ASAP2: variants seen among roughly 807,000 people sequenced by gnomAD.
ASAP2 encodes arf-GAP with SH3 domain, ANK repeat and PH domain-containing protein 2.
A neutral mutation model predicts 131.4 loss-of-function variants in ASAP2; 45 were observed. The ratio of observed to expected loss-of-function variants is 0.34; its 90% CI spans 0.27 to 0.44. The LOEUF (loss-of-function observed/expected upper bound fraction) is 0.44. Among genes scored for constraint, ASAP2 ranks in the 20% least tolerant of loss-of-function variants. The pLI is 1.00. For synonymous variants in ASAP2, 510 were observed against 503.0 expected (o/e 1.01, Z -0.19); for missense variants, 1,011 against 1,297.0 (o/e 0.78, Z 3.39).
At chr2:9,292,215 G>A (rs1193160541) in intron 2 of ASAP2, among the ~76,000 whole-genome samples, 1 of 152,146 alleles carries the variant, frequency 6.6e-6, no homozygotes, top group Non-Finnish European at 1.5e-5. Flanking sequence ...GATTTTGAGA[G>A]TTGAGAGCTG....
chr2:9,237,759 T>C (rs1344660578), intron 1 of ASAP2, among the ~76,000 whole-genome samples: 1 of 152,112 alleles, frequency 6.6e-6, no homozygotes, highest in African/African-American at 2.4e-5. Flanking sequence ...ACCAGGAGAC[T>C]GAGTCTTTTC....
At chr2:9,328,269 G>T in intron 7 of ASAP2, among the ~76,000 whole-genome samples, 1 of 152,180 alleles carries the variant, frequency 6.6e-6, no homozygotes, top group Admixed American at 6.5e-5. Context: ...CCAGAAGTGA[G>T]TGCTAATGAT....
At chr2:9,343,299 C>G (rs1340962072) in intron 9 of ASAP2, among the ~76,000 whole-genome samples, 1 of 152,198 alleles carries the variant, frequency 6.6e-6, no homozygotes, top group East Asian at 1.9e-4. Flanking sequence ...ACGAGCAGCC[C>G]TCGGCCCTTT....
chr2:9,231,289 A>G (rs1298796814), intron 1 of ASAP2, among the ~76,000 whole-genome samples: 2 of 152,122 alleles, frequency 1.3e-5, no homozygotes, highest in Non-Finnish European at 2.9e-5. Flanking sequence ...CCAGGTTTTC[A>G]GGCTCTGCCC....
intron 1 of ASAP2, among the ~76,000 whole-genome samples, chr2:9,253,265 G>A (rs557301799): frequency 1.2e-3 from 185 of 152,170 alleles, no homozygotes; most frequent in African/African-American, 3.9e-3. Context: ...CTGGGTTCAA[G>A]CGATTCTCGT....
At chr2:9,353,323 G>A (rs2148640050) in intron 12 of ASAP2, among the ~76,000 whole-genome samples, 1 of 152,288 alleles carries the variant, frequency 6.6e-6, no homozygotes, top group South Asian at 2.1e-4. Flanking sequence ...CAAGCACTTT[G>A]GGAGGCCAAG....
rs1272438351 is a variant in ASAP2 at position 9,311,258 on chromosome 2, C to G, written c.346-7266C>G. ...AATAAAAATAAAAAAATTAGCCAGG[C>G]ATGGTGGCTCATGCCTGTGGTCCCA... On this transcript the variant is annotated intron_variant, in intron 3 of 27. Transcript: ENST00000281419. This position sits in a 1 kb window ranked among gnomAD's most constrained non-coding sequence, Gnocchi z 5.2. Among the ~76,000 whole-genome samples, 1 of 151,550 alleles carries G rather than the reference C, an allele frequency of 6.6e-6. No homozygotes were observed. Among genetic ancestry groups the G allele is most frequent in the Non-Finnish European group, 1.5e-5 (1 of 67,922 alleles).
intron 2 of ASAP2, among the ~76,000 whole-genome samples, chr2:9,282,925 C>T (rs1667224738): frequency 6.6e-6 from 1 of 152,202 alleles, no homozygotes; most frequent in Non-Finnish European, 1.5e-5. Flanking sequence ...ACTTCTGTGT[C>T]TTTGCACAGC....
chr2:9,403,207 C>T lies in ASAP2; in HGVS notation c.2947-46C>T, dbSNP rs1327347592. ...ATGTAATGCTCTTCAAAGTTTCCAC[C>T]AACATTTGGAATTTTAATAACAACC... On this transcript the variant is annotated intron_variant, in intron 27 of 27. Coordinates refer to ENST00000281419, the MANE Select transcript of ASAP2 (RefSeq NM_003887.3). 6 of 1,572,990 alleles carry T rather than the reference C, an allele frequency of 3.8e-6. No homozygotes were observed. The African/African-American group carries it at 8.1e-5, about 21-fold the overall frequency.
intron 2 of ASAP2, among the ~76,000 whole-genome samples, chr2:9,296,343 C>T (rs866163253): frequency 6.6e-6 from 1 of 152,198 alleles, no homozygotes; most frequent in Non-Finnish European, 1.5e-5. Context: ...CATTCCTACC[C>T]ACGGTTTAAA....
chr2:9,396,176 C>T (rs1180218872), intron 24 of ASAP2, among the ~76,000 whole-genome samples: 1 of 152,104 alleles, frequency 6.6e-6, no homozygotes, highest in African/African-American at 2.4e-5. Context: ...TGCCTTTCTC[C>T]CCTTCCAGAG....
chr2:9,374,970 T>TA (rs61275202), intron 17 of ASAP2, 26 bp downstream of exon 17: 67,639 of 1,355,298 alleles, frequency 0.05, 4,489 homozygotes, highest in African/African-American at 0.43. Context: ...GTTGCTACTT[T>TA]AAAAAAAAAA....
intron 1 of ASAP2, chr2:9,271,528 CT>C: frequency 6.5e-7 from 1 of 1,533,214 alleles, no homozygotes. Context: ...CTGTTGAATT[CT>C]TATATGGATA....
At chr2:9,350,442 G>C (rs1672255205) in intron 11 of ASAP2, 1 of 175,456 alleles carries the variant, frequency 5.7e-6, no homozygotes, top group Admixed American at 6.2e-5. Context: ...AAGTTACCTG[G>C]CAAATCAACT....
At chr2:9,334,627 C>T (rs1671076626) in intron 7 of ASAP2, 111 bp from the exon 8 acceptor site, 16 of 881,896 alleles carry the variant, frequency 1.8e-5, no homozygotes, top group Non-Finnish European at 2.6e-5. Context: ...AGTCTTTTCC[C>T]CCAGGAGTTA....
intron 1 of ASAP2, among the ~76,000 whole-genome samples, chr2:9,216,282 ATTTTTTT>A (rs113751391): frequency 0.085 from 10,536 of 123,708 alleles, 403 homozygotes; most frequent in African/African-American, 0.12. Flanking sequence ...GTCAGTTCAT[ATTTTTTT>A]TTTTTTTTTT....
intron 24 of ASAP2, among the ~76,000 whole-genome samples, chr2:9,397,758 T>A (rs1676280828): frequency 2.7e-5 from 3 of 110,186 alleles, no homozygotes; most frequent in South Asian, 3.0e-4. Context: ...ATATTTTTTT[T>A]TTTTTTTTTT....
In ASAP2 at chr2:9,281,808, C is replaced by T. The variant is rs1397408804; in HGVS notation, c.199+2419C>T. Among the ~76,000 whole-genome samples, 2 of 152,174 alleles carry T rather than the reference C, an allele frequency of 1.3e-5. No homozygotes were observed. The highest frequency in any genetic ancestry group is 2.9e-5 in the Non-Finnish European group (2 of 68,034). ...CCAATTCATCTGTCGATGAAACTGTCACTGCCTCCCCTGATCACCCCACTG... is the reference window on the plus strand; with the variant it reads ...CCAATTCATCTGTCGATGAAACTGTTACTGCCTCCCCTGATCACCCCACTG... On this transcript the variant is annotated intron_variant, in intron 2 of 27. Coordinates refer to ENST00000281419, the MANE Select transcript of ASAP2 (RefSeq NM_003887.3). The surrounding 1 kb of genome is among the most constrained non-coding windows in gnomAD (Gnocchi z 4.0).
chr2:9,305,334 T>G (rs113903318), intron 3 of ASAP2, among the ~76,000 whole-genome samples: 25 of 136,844 alleles, frequency 1.8e-4, no homozygotes, highest in East Asian at 6.8e-4. Context: ...GGAGGGGCTG[T>G]AGTAGTGGGG....
Sources: gnomAD v4.1 joint callset for allele counts (sites outside exome capture counted in the v4.1 genomes callset) on GRCh38, gnomAD v4.1.1 for gene constraint, Gnocchi (gnomAD v3.1) non-coding constraint, MANE v1.5 for transcripts, NCBI Gene and HGNC (gene_info 2026-07-23, HGNC 2026-07-21) for gene names.